Variants in SGMS2 observed in about 807,000 individuals in gnomAD.
SGMS2 encodes sphingomyelin synthase 2, also known as phosphatidylcholine:ceramide cholinephosphotransferase 2.
A neutral mutation model predicts 43.8 loss-of-function variants in SGMS2; 21 were observed. That is an observed-to-expected ratio of 0.48 (90% confidence interval 0.34 to 0.69). The LOEUF is 0.69. Ranked by LOEUF, SGMS2 falls within the 30% of genes least tolerant of loss-of-function variation. SGMS2 has a pLI of 0.01. For synonymous variants in SGMS2, 167 were observed against 160.6 expected (o/e 1.04, Z -0.30); for missense variants, 384 against 443.2 (o/e 0.87, Z 1.20).
intron 2 of SGMS2, among the ~76,000 whole-genome samples, chr4:107,861,319 TCA>T (rs1231235507): frequency 1.3e-5 from 2 of 152,200 alleles, no homozygotes; most frequent in African/African-American, 4.8e-5. Flanking sequence ...GGTTAAATCC[TCA>T]GTTATCTGCT....
intron 1 of SGMS2, among the ~76,000 whole-genome samples, chr4:107,850,179 C>T (rs146273038): frequency 0.013 from 1,928 of 152,204 alleles, 19 homozygotes; most frequent in Middle Eastern, 0.034. Context: ...CTTCCTTTAC[C>T]TTCCACCATG....
chr4:107,861,669 T>C (rs1727740705), intron 2 of SGMS2, among the ~76,000 whole-genome samples: 2 of 152,326 alleles, frequency 1.3e-5, no homozygotes, highest in East Asian at 1.9e-4. Flanking sequence ...TCCTTAAATA[T>C]GCCTTTCAAA....
intron 2 of SGMS2, among the ~76,000 whole-genome samples, chr4:107,889,423 A>C (rs1730023075): frequency 6.6e-6 from 1 of 152,192 alleles, no homozygotes; most frequent in South Asian, 2.1e-4. Context: ...TTTACCAATA[A>C]TTTTAAAGCT....
At chr4:107,877,967 G>C (rs1212654270) in intron 2 of SGMS2, among the ~76,000 whole-genome samples, 1 of 144,496 alleles carries the variant, frequency 6.9e-6, no homozygotes, top group Non-Finnish European at 1.5e-5. Context: ...CCAGGCTGGA[G>C]GGCAGTGGTG....
At chr4:107,872,910 C>G (rs1728651248) in intron 2 of SGMS2, among the ~76,000 whole-genome samples, 1 of 152,098 alleles carries the variant, frequency 6.6e-6, no homozygotes, top group South Asian at 2.1e-4. Context: ...TTCAGTCTTA[C>G]AGATCCAGAA....
intron 2 of SGMS2, among the ~76,000 whole-genome samples, chr4:107,891,484 A>G (rs1730212996): frequency 6.8e-6 from 1 of 147,586 alleles, no homozygotes; most frequent in African/African-American, 2.6e-5. Flanking sequence ...TTTCTATCCT[A>G]GTGAAGCAGC....
At chr4:107,826,876 A>G (rs1725623169) in intron 1 of SGMS2, among the ~76,000 whole-genome samples, 2 of 152,178 alleles carry the variant, frequency 1.3e-5, no homozygotes, top group African/African-American at 2.4e-5. Flanking sequence ...TCTTACCATA[A>G]CTATAACAAC....
At chr4:107,864,969 CTCTA>C (rs1374359740) in intron 2 of SGMS2, among the ~76,000 whole-genome samples, 3 of 152,140 alleles carry the variant, frequency 2.0e-5, no homozygotes, top group Non-Finnish European at 4.4e-5. Flanking sequence ...AATTTAAGTT[CTCTA>C]TCTTTCATCA....
intron 2 of SGMS2, among the ~76,000 whole-genome samples, chr4:107,864,971 C>T (rs1728004820): frequency 6.6e-6 from 1 of 152,142 alleles, no homozygotes; most frequent in Non-Finnish European, 1.5e-5. Context: ...TTTAAGTTCT[C>T]TATCTTTCAT....
intron 4 of SGMS2, among the ~76,000 whole-genome samples, chr4:107,900,078 A>G (rs1730993199): frequency 6.6e-6 from 1 of 152,088 alleles, no homozygotes; most frequent in South Asian, 2.1e-4. Context: ...ACAAATTCAT[A>G]ATTTGTCACA....
intron 1 of SGMS2, among the ~76,000 whole-genome samples, chr4:107,848,787 T>G (rs1380965908): frequency 6.6e-6 from 1 of 152,224 alleles, no homozygotes; most frequent in Non-Finnish European, 1.5e-5. Context: ...GAGCTCTATT[T>G]ATATTTAGAA....
chr4:107,863,515 T>G (rs767803089), intron 2 of SGMS2: 46 of 152,210 alleles, frequency 3.0e-4, no homozygotes, highest in Non-Finnish European at 4.4e-4. Flanking sequence ...TTTCAAGGAC[T>G]GCAATCATAG....
At chr4:107,833,033 A>G (rs1336226887) in intron 1 of SGMS2, among the ~76,000 whole-genome samples, 1 of 152,222 alleles carries the variant, frequency 6.6e-6, no homozygotes, top group African/African-American at 2.4e-5. Flanking sequence ...TTCTCAAAAA[A>G]GAAAAAAGAC....
chr4:107,883,984 G>T (rs1217733311), intron 2 of SGMS2, among the ~76,000 whole-genome samples: 1 of 152,124 alleles, frequency 6.6e-6, no homozygotes, highest in African/African-American at 2.4e-5. Context: ...TAGTACACTT[G>T]TTAGATTCTA....
intron 5 of SGMS2, chr4:107,907,215 A>G (rs1299617276): frequency 6.6e-6 from 1 of 152,250 alleles, no homozygotes; most frequent in Non-Finnish European, 1.5e-5. Flanking sequence ...AATGCCATAC[A>G]GGTTTATTTT....
chr4:107,868,063 C>T (rs1728263158), intron 2 of SGMS2, among the ~76,000 whole-genome samples: 3 of 152,174 alleles, frequency 2.0e-5, no homozygotes, highest in African/African-American at 7.2e-5. Flanking sequence ...ATTAGCTCTG[C>T]ATGATCACAA....
intron 3 of SGMS2, among the ~76,000 whole-genome samples, chr4:107,898,125 G>A (rs1730824496): frequency 6.6e-6 from 1 of 152,124 alleles, no homozygotes; most frequent in Non-Finnish European, 1.5e-5. Context: ...CCTTAACCAA[G>A]GGAAGAAACT....
rs1220032674 is a variant in SGMS2 at position 107,910,432 on chromosome 4, A to G, written c.977A>G (p.Gln326Arg). 6.2e-7 allele frequency: 1 copy of G among 1,614,090 alleles called. No individual in the cohort carries two copies. ...TTTTATTTTTTTGAGAAAAATGTACAAGGCTCAATTCCTTGCTGCTTCTCC... is the reference window on the plus strand; with the variant it reads ...TTTTATTTTTTTGAGAAAAATGTACGAGGCTCAATTCCTTGCTGCTTCTCC... ...PIFYFFEKNV[Q>R]GSIPCCFSWP... The change falls in exon 7 of 7, where the codon CAA becomes CGA. Residue 326 changes from glutamine to arginine, a missense_variant. Gln to Arg is a conservative substitution (Grantham distance 43). Coordinates refer to ENST00000690982, the MANE Select transcript of SGMS2 (RefSeq NM_001375905.1).
chr4:107,825,859 A>G (rs939618166), intron 1 of SGMS2, among the ~76,000 whole-genome samples: 3 of 151,972 alleles, frequency 2.0e-5, no homozygotes, highest in African/African-American at 7.2e-5. Flanking sequence ...TCAAAATGTT[A>G]TGTCCTGTAG....
Sources: allele counts gnomAD v4.1 joint callset (sites outside exome capture counted in the v4.1 genomes callset), GRCh38; gene constraint gnomAD v4.1.1; transcripts MANE v1.5; gene names NCBI Gene and HGNC (gene_info 2026-07-23, HGNC 2026-07-21).